Variants in TLE4 observed in about 807,000 individuals in gnomAD.
The protein encoded by TLE4 is transducin-like enhancer protein 4.
TLE4 carries 8 observed loss-of-function variants against 92.8 expected under a neutral mutation model. The ratio of observed to expected loss-of-function variants is 0.09; its 90% confidence interval spans 0.05 to 0.16. The LOEUF is 0.16. TLE4 is among the 10% of genes least tolerant of loss of function. The pLI, the probability that TLE4 is intolerant of heterozygous loss-of-function variation, is 1.00. For missense variants in TLE4, 675 were observed against 997.6 expected (o/e 0.68, Z 4.36); for synonymous variants, 371 against 374.1 (o/e 0.99, Z 0.10).
intron 4 of TLE4, among the ~76,000 whole-genome samples, chr9:79,594,129 A>G (rs760327988): frequency 5.9e-5 from 9 of 152,218 alleles, no homozygotes; most frequent in Non-Finnish European, 8.8e-5. Flanking sequence ...ATGTACAGCA[A>G]GGTTGAGGAC....
At chr9:79,698,869 A>G (rs1400417628) in intron 8 of TLE4, among the ~76,000 whole-genome samples, 1 of 144,824 alleles carries the variant, frequency 6.9e-6, no homozygotes, top group Non-Finnish European at 1.5e-5. Context: ...TTATATATAT[A>G]TACATATATA....
At chr9:79,578,831 A>ATTT (rs11419323) in intron 4 of TLE4, among the ~76,000 whole-genome samples, 1 of 144,656 alleles carries the variant, frequency 6.9e-6, no homozygotes, top group African/African-American at 2.5e-5. Flanking sequence ...GAATTAGTGG[A>ATTT]TTTTTTTTTT....
intron 4 of TLE4, among the ~76,000 whole-genome samples, chr9:79,601,161 C>T (rs1312465584): frequency 6.6e-6 from 1 of 152,156 alleles, no homozygotes; most frequent in East Asian, 1.9e-4. Context: ...AAGCTTTAAT[C>T]ATTTATTCAC....
chr9:79,653,409 C>T (rs544961086), intron 7 of TLE4, among the ~76,000 whole-genome samples: 1 of 152,278 alleles, frequency 6.6e-6, no homozygotes, highest in Admixed American at 6.5e-5. Flanking sequence ...GATTTAAAGG[C>T]CAGTTGTGCT....
chr9:79,594,079 AG>A (rs1240870099), intron 4 of TLE4, among the ~76,000 whole-genome samples: 14 of 152,220 alleles, frequency 9.2e-5, no homozygotes, highest in African/African-American at 1.7e-4. Flanking sequence ...TCTGGGCCTT[AG>A]GCATCAGTAT....
chr9:79,667,855 G>A (rs1030411366), intron 8 of TLE4, among the ~76,000 whole-genome samples: 1 of 152,186 alleles, frequency 6.6e-6, no homozygotes, highest in African/African-American at 2.4e-5. Flanking sequence ...TTAAACTAAA[G>A]ATTATCACTG....
intron 5 of TLE4, among the ~76,000 whole-genome samples, chr9:79,625,434 C>CAA (rs2052355288): frequency 6.6e-6 from 1 of 152,148 alleles, no homozygotes. Context: ...AAAACACGAA[C>CAA]AATTTGCACA....
intron 1 of TLE4, 24 bp downstream of exon 1, chr9:79,572,859 G>T: frequency 6.3e-7 from 1 of 1,591,996 alleles, no homozygotes. Flanking sequence ...GCGGGGCGCG[G>T]GCTCGCCGGG....
At chr9:79,706,630 C>A in intron 10 of TLE4, 117 bp from the exon 11 acceptor site, 3 of 1,310,658 alleles carry the variant, frequency 2.3e-6, no homozygotes, top group Non-Finnish European at 2.1e-6. Context: ...TCTGTTCTAG[C>A]ACATTTGTGC....
intron 12 of TLE4, 26 bp downstream of exon 12, chr9:79,708,276 T>C (rs774047874): frequency 5.0e-6 from 8 of 1,609,826 alleles, no homozygotes; most frequent in Non-Finnish European, 6.8e-6. Flanking sequence ...GTTTTTTCTA[T>C]ATTTTTATGC....
chr9:79,656,148 A>C (rs1253042799), intron 8 of TLE4, among the ~76,000 whole-genome samples: 1 of 152,194 alleles, frequency 6.6e-6, no homozygotes, highest in Non-Finnish European at 1.5e-5. Context: ...TAGTTCTACA[A>C]GGTGAGATAG....
chr9:79,578,015 A>G (rs1384327309), intron 4 of TLE4, among the ~76,000 whole-genome samples: 1 of 152,128 alleles, frequency 6.6e-6, no homozygotes, highest in Non-Finnish European at 1.5e-5. Context: ...CAATCATATC[A>G]AGAATCCTGA....
chr9:79,700,996 A>C (rs1482160336), intron 8 of TLE4, among the ~76,000 whole-genome samples: 1 of 152,190 alleles, frequency 6.6e-6, no homozygotes, highest in African/African-American at 2.4e-5. Flanking sequence ...GAGCTTTTAA[A>C]ATAATAATAG....
chr9:79,712,232 A>G (rs1478826759), intron 14 of TLE4, among the ~76,000 whole-genome samples: 1 of 152,200 alleles, frequency 6.6e-6, no homozygotes, highest in Non-Finnish European at 1.5e-5. Flanking sequence ...TAGGAGGTAC[A>G]TTGTGTTTTA....
intron 6 of TLE4, among the ~76,000 whole-genome samples, chr9:79,635,944 A>G (rs1431531309): frequency 6.6e-6 from 1 of 152,118 alleles, no homozygotes; most frequent in Non-Finnish European, 1.5e-5. Context: ...CTCATCAGAA[A>G]TGGTGTCTGC....
intron 4 of TLE4, among the ~76,000 whole-genome samples, chr9:79,602,139 G>A (rs1564294922): frequency 6.6e-6 from 1 of 152,210 alleles, no homozygotes; most frequent in East Asian, 1.9e-4. Context: ...TTTGAAGCTA[G>A]CAGAGGTTGG....
chr9:79,595,013 A>G (rs76962013), intron 4 of TLE4, among the ~76,000 whole-genome samples: 1 of 152,188 alleles, frequency 6.6e-6, no homozygotes, highest in Non-Finnish European at 1.5e-5. Context: ...CTGCAGCTCA[A>G]TCTCACATTG....
At chr9:79,618,416 T>G (rs1254028845) in intron 5 of TLE4, among the ~76,000 whole-genome samples, 3 of 152,212 alleles carry the variant, frequency 2.0e-5, no homozygotes, top group African/African-American at 7.2e-5. Flanking sequence ...CATTCATACA[T>G]TCATAGGGGA....
At chr9:79,602,793 G>C (rs1401559939) in intron 4 of TLE4, among the ~76,000 whole-genome samples, 1 of 152,108 alleles carries the variant, frequency 6.6e-6, no homozygotes, top group Admixed American at 6.6e-5. Context: ...ATTTTGTAAG[G>C]CTGTAGCTGC....
Sources: gnomAD v4.1 joint callset for allele counts (sites outside exome capture counted in the v4.1 genomes callset) on GRCh38, gnomAD v4.1.1 for gene constraint, MANE v1.5 for transcripts, NCBI Gene and HGNC (gene_info 2026-07-23, HGNC 2026-07-21) for gene names.